The following KHDRBS2 variants were observed in gnomAD, a reference collection of about 807,000 sequenced individuals.
KHDRBS2 encodes the protein KH RNA binding domain containing, signal transduction associated 2.
Under a neutral mutation model 44.3 loss-of-function variants are expected in KHDRBS2, and 26 were observed. The ratio of observed to expected loss-of-function variants is 0.59; its 90% CI spans 0.43 to 0.81. The LOEUF (loss-of-function observed/expected upper bound fraction) is 0.81. KHDRBS2 is among the 40% of genes least tolerant of loss of function. KHDRBS2 has a pLI of 0.00. For missense variants in KHDRBS2, 476 were observed against 433.1 expected (o/e 1.10, Z -0.88); for synonymous variants, 194 against 151.1 (o/e 1.28, Z -2.08).
At chr6:62,250,149 C>T (rs986598780) in intron 1 of KHDRBS2, among the ~76,000 whole-genome samples, 3 of 152,108 alleles carry the variant, frequency 2.0e-5, no homozygotes, top group Admixed American at 1.3e-4. Context: ...TGCACGCTGA[C>T]TCTCCTGACA....
At chr6:62,068,446 C>G (rs1794250403) in intron 2 of KHDRBS2, among the ~76,000 whole-genome samples, 1 of 151,288 alleles carries the variant, frequency 6.6e-6, no homozygotes, top group Non-Finnish European at 1.5e-5. Context: ...ATATTTTCTT[C>G]CATTCTTTGG....
chr6:61,985,734 G>T (rs926548753), intron 3 of KHDRBS2, among the ~76,000 whole-genome samples: 10 of 152,124 alleles, frequency 6.6e-5, no homozygotes, highest in African/African-American at 2.2e-4. Flanking sequence ...ACATGATGAT[G>T]TCTCAGGTTT....
chr6:62,266,901 C>A (rs1738595611), intron 1 of KHDRBS2, among the ~76,000 whole-genome samples: 1 of 151,972 alleles, frequency 6.6e-6, no homozygotes, highest in East Asian at 1.9e-4. Flanking sequence ...TACAATTAGA[C>A]TAGCAAACAT....
Position 62,078,901 on chromosome 6 carries a change from C to T in KHDRBS2, c.220-30907G>A, listed in dbSNP as rs188965003. 2.8e-3 allele frequency among the ~76,000 whole-genome samples: 429 copies of T among 152,126 alleles called. 1 individual carries two copies. The highest frequency in any genetic ancestry group is 4.1e-3 in the Non-Finnish European group (278 of 67,948). On this transcript the variant is annotated intron_variant, in intron 2 of 8. Coordinates refer to ENST00000281156, the MANE Select transcript of KHDRBS2 (RefSeq NM_152688.4). ...TTTTTTGTGTGTCACTGTTGGAAGA[C>T]TTGCTCTTAGAGAAGTCAGCTATAT...
intron 6 of KHDRBS2, among the ~76,000 whole-genome samples, chr6:61,787,174 T>A (rs751199496): frequency 4.1e-4 from 36 of 87,474 alleles, no homozygotes; most frequent in Non-Finnish European, 7.5e-4. Context: ...CAGGTCTCTT[T>A]TATTAGATAC....
the KHDRBS2 span, among the ~76,000 whole-genome samples, chr6:61,654,237 G>A: frequency 6.6e-6 from 1 of 152,092 alleles, no homozygotes; most frequent in African/African-American, 2.4e-5. Context: ...TTTGAGGGAT[G>A]TGGCCTGAAG....
chr6:61,580,462 C>A, the KHDRBS2 span, among the ~76,000 whole-genome samples: 1 of 152,108 alleles, frequency 6.6e-6, no homozygotes, highest in East Asian at 1.9e-4. Context: ...ACTGGGGTCC[C>A]CTTCCATGCT....
intron 6 of KHDRBS2, among the ~76,000 whole-genome samples, chr6:61,751,083 G>A (rs892087666): frequency 1.3e-5 from 2 of 151,750 alleles, no homozygotes; most frequent in African/African-American, 2.4e-5. Flanking sequence ...TCCATTTATT[G>A]TTAAGAAGCT....
intron 6 of KHDRBS2, among the ~76,000 whole-genome samples, chr6:61,765,779 C>A (rs1185652229): frequency 2.6e-5 from 4 of 152,116 alleles, no homozygotes; most frequent in African/African-American, 9.7e-5. Context: ...ATTCTGTTCA[C>A]ATAATGTATC....
chr6:61,807,157 T>C (rs181240778), intron 6 of KHDRBS2, among the ~76,000 whole-genome samples: 9 of 152,124 alleles, frequency 5.9e-5, no homozygotes, highest in Admixed American at 5.9e-4. Context: ...TGGCTATTAC[T>C]AAAAAGTCAA....
intron 2 of KHDRBS2, among the ~76,000 whole-genome samples, chr6:62,108,160 C>T (rs992798756): frequency 6.6e-6 from 1 of 151,990 alleles, no homozygotes; most frequent in Non-Finnish European, 1.5e-5. Context: ...AACAGGCAAC[C>T]TACAAAATGG....
intron 6 of KHDRBS2, among the ~76,000 whole-genome samples, chr6:61,758,359 T>C (rs909526639): frequency 1.3e-5 from 2 of 151,990 alleles, no homozygotes; most frequent in Non-Finnish European, 2.9e-5. Flanking sequence ...ACGTGCCATC[T>C]AACCTTTATT....
chr6:61,999,852 A>G (rs1287474761), intron 3 of KHDRBS2, among the ~76,000 whole-genome samples: 2 of 152,158 alleles, frequency 1.3e-5, no homozygotes, highest in Non-Finnish European at 1.5e-5. Flanking sequence ...AACATAAAAT[A>G]TATTAGAGCA....
intron 2 of KHDRBS2, among the ~76,000 whole-genome samples, chr6:62,071,211 T>G (rs1357081725): frequency 6.6e-6 from 1 of 152,182 alleles, no homozygotes; most frequent in African/African-American, 2.4e-5. Flanking sequence ...TGTAAATTTG[T>G]TTGAGATCAT....
chr6:62,050,116 A>T (rs1389064112), intron 2 of KHDRBS2, among the ~76,000 whole-genome samples: 1 of 152,114 alleles, frequency 6.6e-6, no homozygotes, highest in African/African-American at 2.4e-5. Flanking sequence ...TGCAGCCATA[A>T]AAAAGGATGA....
intron 6 of KHDRBS2, among the ~76,000 whole-genome samples, chr6:61,867,998 G>A (rs1376738514): frequency 6.6e-6 from 1 of 152,164 alleles, no homozygotes; most frequent in Non-Finnish European, 1.5e-5. Context: ...CTATGTTGGG[G>A]GATCCCTTCA....
intron 4 of KHDRBS2, among the ~76,000 whole-genome samples, chr6:61,956,116 C>T (rs1039856267): frequency 4.6e-5 from 7 of 151,986 alleles, no homozygotes; most frequent in East Asian, 1.9e-4. Context: ...ATCACTTGAA[C>T]CCGGGAGGCA....
intron 6 of KHDRBS2, among the ~76,000 whole-genome samples, chr6:61,833,306 T>C (rs1430060093): frequency 2.0e-5 from 3 of 152,216 alleles, no homozygotes; most frequent in Admixed American, 6.5e-5. Context: ...TCACATTACC[T>C]ATATTCTTTG....
chr6:62,262,568 G>A (rs536297057), intron 1 of KHDRBS2, among the ~76,000 whole-genome samples: 1 of 151,784 alleles, frequency 6.6e-6, no homozygotes, highest in East Asian at 1.9e-4. Context: ...TCAAGAATTT[G>A]AAATATAGGT....
Sources: allele counts gnomAD v4.1 joint callset (sites outside exome capture counted in the v4.1 genomes callset), GRCh38; gene constraint gnomAD v4.1.1; transcripts MANE v1.5; gene names NCBI Gene and HGNC (gene_info 2026-07-23, HGNC 2026-07-21).